Variants in RAB31 observed in about 807,000 individuals in gnomAD.
RAB31 encodes the protein ras-related protein Rab-31.
Under a neutral mutation model 25.6 loss-of-function variants are expected in RAB31, and 21 were observed. That is an observed-to-expected ratio of 0.82 (90% CI 0.58 to 1.18). RAB31 has a LOEUF of 1.18. RAB31 is among the 50% of genes most tolerant of loss of function. The pLI is 0.00. For missense variants in RAB31, 196 were observed against 250.1 expected (o/e 0.78, Z 1.46); for synonymous variants, 87 against 84.0 (o/e 1.04, Z -0.20).
intron 1 of RAB31, chr18:9,774,790 C>T (rs567464105): frequency 5.8e-5 from 29 of 502,678 alleles, no homozygotes; most frequent in South Asian, 4.1e-4. Flanking sequence ...TATTACCCAA[C>T]CATCAGATTC....
At position 9,708,764 on chromosome 18, in the gene RAB31, G is replaced by A. The variant is rs996565631; in HGVS notation, c.39+320G>A. Among the ~76,000 whole-genome samples, 5 of 152,076 alleles carry A rather than the reference G, an allele frequency of 3.3e-5. No homozygotes were observed. The highest frequency in any genetic ancestry group is 1.2e-4 in the African/African-American group (5 of 41,426). On this transcript the variant is annotated intron_variant, in intron 1 of 6. Coordinates refer to ENST00000578921, the MANE Select transcript of RAB31 (RefSeq NM_006868.4). This position sits in a 1 kb window ranked among gnomAD's most constrained non-coding sequence, Gnocchi z 6.4. ...TCCGAGCCTGCCCCGGGCTTACTCC[G>A]CTCTTTCCTCCCGGCCCGCGAGTCC...
chr18:9,813,130 A>G (rs1175093655), intron 3 of RAB31, among the ~76,000 whole-genome samples: 1 of 152,244 alleles, frequency 6.6e-6, no homozygotes, highest in African/African-American at 2.4e-5. Context: ...AGTGACCAGC[A>G]GCACTTGCTT....
intron 5 of RAB31, among the ~76,000 whole-genome samples, chr18:9,820,962 C>T (rs924814320): frequency 2.0e-5 from 3 of 151,864 alleles, no homozygotes; most frequent in Non-Finnish European, 2.9e-5. Flanking sequence ...TTCTGGTTCG[C>T]TAAGGAGAAA....
chr18:9,756,843 GTGGTCTCATT>G (rs1438058647), intron 1 of RAB31, among the ~76,000 whole-genome samples: 1 of 152,186 alleles, frequency 6.6e-6, no homozygotes, highest in Non-Finnish European at 1.5e-5. Context: ...CCACCACTGT[GTGGTCTCATT>G]GGCTCCCATT....
At chr18:9,729,393 G>C (rs560688144) in intron 1 of RAB31, among the ~76,000 whole-genome samples, 3 of 152,014 alleles carry the variant, frequency 2.0e-5, no homozygotes, top group South Asian at 2.1e-4. Flanking sequence ...CGGGCGTGGT[G>C]GTGGGCACCT....
chr18:9,801,284 A>ATTTT (rs3039670), intron 3 of RAB31, among the ~76,000 whole-genome samples: 7 of 141,184 alleles, frequency 5.0e-5, no homozygotes, highest in Admixed American at 3.5e-4. Context: ...CTTTGTGTAG[A>ATTTT]TTTTTTTTTT....
At chr18:9,821,528 C>T (rs2143090281) in intron 5 of RAB31, among the ~76,000 whole-genome samples, 1 of 152,078 alleles carries the variant, frequency 6.6e-6, no homozygotes, top group South Asian at 2.1e-4. Context: ...GATTTATGCA[C>T]ATGACATGAT....
Position 9,741,635 on chromosome 18 carries a change from A to G in RAB31, c.39+33191A>G, listed in dbSNP as rs370100916. On this transcript the variant is annotated intron_variant, in intron 1 of 6. Coordinates refer to ENST00000578921, the MANE Select transcript of RAB31 (RefSeq NM_006868.4). ...TCCTGCGCCAGTGCCAGCCTCTCTC[A>G]GCCTGTGTGCAGCACGTACATGTCC... Among the ~76,000 whole-genome samples the G allele has an allele frequency of 7.9e-5, 12 of 152,224 alleles. No individual in the cohort carries two copies. In the East Asian group the frequency reaches 1.7e-3, roughly 22 times the overall value.
intron 3 of RAB31, among the ~76,000 whole-genome samples, chr18:9,802,532 G>A (rs893274548): frequency 1.3e-5 from 2 of 152,130 alleles, no homozygotes; most frequent in Non-Finnish European, 2.9e-5. Context: ...AAACTACCTG[G>A]GTGTGGTGGT....
intron 4 of RAB31, 81 bp downstream of exon 4, chr18:9,814,172 C>A: frequency 9.7e-7 from 1 of 1,030,462 alleles, no homozygotes; most frequent in Non-Finnish European, 1.5e-6. Context: ...GACGTCACTG[C>A]TTGCATCTTG....
At chr18:9,748,915 A>G (rs985016193) in intron 1 of RAB31, among the ~76,000 whole-genome samples, 1 of 152,044 alleles carries the variant, frequency 6.6e-6, no homozygotes, top group South Asian at 2.1e-4. Flanking sequence ...ATAAAAATAA[A>G]TATAAGAAAT....
chr18:9,822,252 C>T (rs1288782104), intron 5 of RAB31, among the ~76,000 whole-genome samples: 5 of 152,080 alleles, frequency 3.3e-5, no homozygotes, highest in East Asian at 1.9e-4. Flanking sequence ...ATAGAGTAAT[C>T]GGACATCAAT....
chr18:9,743,952 A>C (rs1462629442), intron 1 of RAB31, among the ~76,000 whole-genome samples: 4 of 152,028 alleles, frequency 2.6e-5, no homozygotes, highest in African/African-American at 9.7e-5. Context: ...GGCTCCACTT[A>C]CCTCCTCTAT....
intron 3 of RAB31, among the ~76,000 whole-genome samples, chr18:9,801,761 A>G (rs73940033): frequency 0.11 from 16,610 of 152,126 alleles, 986 homozygotes; most frequent in African/African-American, 0.17. Context: ...TGCCTAACCT[A>G]AGGTCGTAAA....
chr18:9,790,430 C>G (rs1185764058), intron 2 of RAB31, among the ~76,000 whole-genome samples: 1 of 151,476 alleles, frequency 6.6e-6, no homozygotes, highest in Non-Finnish European at 1.5e-5. Flanking sequence ...AAGAAGGAGT[C>G]TTGCTCTGTT....
intron 1 of RAB31, among the ~76,000 whole-genome samples, chr18:9,741,238 T>G (rs1277979720): frequency 6.6e-6 from 1 of 151,750 alleles, no homozygotes; most frequent in African/African-American, 2.4e-5. Context: ...TAGCCAGGTG[T>G]GGTGGCGGGC....
intron 5 of RAB31, among the ~76,000 whole-genome samples, chr18:9,823,907 G>A (rs762707686): frequency 6.6e-6 from 1 of 152,162 alleles, no homozygotes; most frequent in Non-Finnish European, 1.5e-5. Flanking sequence ...AGGAATAGTC[G>A]GTAAGTGATA....
Position 9,862,112 on chromosome 18 carries a change from A to G in RAB31, c.*2787A>G, listed in dbSNP as rs1678349520. ...TCTGAGAAAGGTTTGGATGACTGAA[A>G]TATTTCCTCTACAGTCAAGGACTTT... On this transcript the variant is annotated 3_prime_UTR_variant, in exon 7 of 7. Transcript: ENST00000578921. 6.6e-6 allele frequency: 1 copy of G among 152,630 alleles called. No individual in the cohort carries two copies. Among genetic ancestry groups the G allele is most frequent in the African/African-American group, 2.4e-5 (1 of 41,466 alleles). The allele number at this position is 152,630 out of a possible 1,614,324, so 9.5% of individuals were successfully genotyped here.
At chr18:9,850,394 G>A (rs1182886234) in intron 6 of RAB31, among the ~76,000 whole-genome samples, 1 of 152,144 alleles carries the variant, frequency 6.6e-6, no homozygotes, top group Non-Finnish European at 1.5e-5. Flanking sequence ...CAAAGTGCTG[G>A]GATTACAGGT....
Sources: allele counts gnomAD v4.1 joint callset (sites outside exome capture counted in the v4.1 genomes callset), GRCh38; gene constraint gnomAD v4.1.1; non-coding constraint Gnocchi (gnomAD v3.1); transcripts MANE v1.5; gene names NCBI Gene and HGNC (gene_info 2026-07-23, HGNC 2026-07-21).